The following GRIP1 variants were observed in gnomAD, a reference collection of about 807,000 sequenced individuals.
GRIP1 encodes the protein glutamate receptor interacting protein 1.
Under a neutral mutation model 129.9 loss-of-function variants are expected in GRIP1, and 45 were observed. The observed-to-expected ratio is 0.35, with a 90% confidence interval of 0.27 to 0.44. GRIP1 has a LOEUF of 0.44. GRIP1 is among the 20% of genes least tolerant of loss of function. GRIP1 has a pLI of 1.00. For synonymous variants in GRIP1, 530 were observed against 520.8 expected, an observed-to-expected ratio of 1.02 and a Z score of -0.24; for missense variants, 1,196 against 1,396.8, an observed-to-expected ratio of 0.86 and a Z score of 2.29.
chr12:66,670,989 G>T (rs1478559631), intron 1 of GRIP1, among the ~76,000 whole-genome samples: 3 of 152,064 alleles, frequency 2.0e-5, no homozygotes. Flanking sequence ...AGTACGTTAG[G>T]TCCATGGCTC....
chr12:66,496,454 T>C (rs989206755), intron 7 of GRIP1, among the ~76,000 whole-genome samples: 2 of 152,190 alleles, frequency 1.3e-5, no homozygotes, highest in African/African-American at 4.8e-5. Context: ...ACAAGCGTTA[T>C]CTAAAATAGG....
At chr12:66,783,634 C>CA (rs2038227016) in intron 1 of GRIP1, among the ~76,000 whole-genome samples, 1 of 152,120 alleles carries the variant, frequency 6.6e-6, no homozygotes, top group Non-Finnish European at 1.5e-5. Flanking sequence ...GTTAAAAATT[C>CA]ATGGCCAACA....
intron 1 of GRIP1, among the ~76,000 whole-genome samples, chr12:66,770,716 T>G (rs913525809): frequency 1.3e-5 from 2 of 152,194 alleles, no homozygotes; most frequent in Non-Finnish European, 2.9e-5. Context: ...TTTCTCCCAT[T>G]TTTATTTATA....
chr12:66,696,524 C>T (rs1361771137), intron 1 of GRIP1, among the ~76,000 whole-genome samples: 1 of 151,988 alleles, frequency 6.6e-6, no homozygotes, highest in East Asian at 1.9e-4. Flanking sequence ...TGGTGGCTCT[C>T]GTCTGTAATC....
chr12:66,424,915 C>T (rs1425180162), intron 14 of GRIP1, among the ~76,000 whole-genome samples: 2 of 93,066 alleles, frequency 2.1e-5, no homozygotes, highest in Non-Finnish European at 5.9e-5. Flanking sequence ...GGACTTCCTT[C>T]CCACAAACCC....
chr12:66,477,461 A>G (rs1272806772), intron 7 of GRIP1, among the ~76,000 whole-genome samples: 6 of 151,972 alleles, frequency 3.9e-5, no homozygotes, highest in Non-Finnish European at 8.8e-5. Flanking sequence ...GCCCCAGGTA[A>G]TTTATAGATT....
At chr12:66,623,953 T>C (rs1454064156) in intron 1 of GRIP1, among the ~76,000 whole-genome samples, 1 of 152,218 alleles carries the variant, frequency 6.6e-6, no homozygotes, top group Non-Finnish European at 1.5e-5. Context: ...AATCTTCAGC[T>C]ACACTATTAT....
At chr12:66,645,844 G>C (rs2032319506) in intron 1 of GRIP1, among the ~76,000 whole-genome samples, 1 of 152,200 alleles carries the variant, frequency 6.6e-6, no homozygotes, top group Non-Finnish European at 1.5e-5. Context: ...AGAGGACTCT[G>C]ATCCAGGTTA....
At chr12:66,396,600 C>A (rs1348843588) in intron 16 of GRIP1, among the ~76,000 whole-genome samples, 1 of 152,082 alleles carries the variant, frequency 6.6e-6, no homozygotes, top group Non-Finnish European at 1.5e-5. Flanking sequence ...GCATCTGAGT[C>A]CTCACTGACT....
chr12:66,773,215 CAAAGA>C (rs1463941979), intron 1 of GRIP1, among the ~76,000 whole-genome samples: 2 of 152,148 alleles, frequency 1.3e-5, no homozygotes, highest in Non-Finnish European at 2.9e-5. Context: ...TTGGCAAGAA[CAAAGA>C]AAAGAACCAA....
intron 1 of GRIP1, among the ~76,000 whole-genome samples, chr12:66,966,339 A>G (rs1157626673): frequency 2.0e-5 from 3 of 152,190 alleles, no homozygotes; most frequent in Non-Finnish European, 2.9e-5. Flanking sequence ...AAAAATTACA[A>G]AAATTGCAAA....
intron 1 of GRIP1, among the ~76,000 whole-genome samples, chr12:66,914,531 C>T (rs931927348): frequency 2.0e-5 from 3 of 152,144 alleles, no homozygotes; most frequent in Non-Finnish European, 4.4e-5. Context: ...TTAGCCATTC[C>T]TAGTATGTTA....
At chr12:66,931,132 G>C (rs1348645263) in intron 1 of GRIP1, among the ~76,000 whole-genome samples, 1 of 152,286 alleles carries the variant, frequency 6.6e-6, no homozygotes, top group East Asian at 1.9e-4. Flanking sequence ...TCACAAGAAA[G>C]AAAATAAAAG....
At chr12:66,549,871 G>A (rs1361723466) in intron 2 of GRIP1, among the ~76,000 whole-genome samples, 1 of 147,880 alleles carries the variant, frequency 6.8e-6, no homozygotes. Flanking sequence ...ATTAATATCT[G>A]TATGTTTCCT....
intron 1 of GRIP1, among the ~76,000 whole-genome samples, chr12:66,894,306 G>C (rs2040710486): frequency 6.6e-6 from 1 of 152,052 alleles, no homozygotes; most frequent in Non-Finnish European, 1.5e-5. Flanking sequence ...TTCACTCTCA[G>C]CCTCCATCAA....
rs540743832 is a variant in GRIP1, at chr12:66,759,939, C to T, written c.-420+44114G>A. On this transcript the variant is annotated intron_variant, in intron 1 of 4. Transcript: ENST00000538373. The stretch of plus-strand genomic sequence containing the variant: ...GTGCAATCTCGGCTCACTGCAAGCT[C>T]CGCCTTCCGGGTTCACGCCATTCTC... Among the ~76,000 whole-genome samples the T allele has an allele frequency of 7.9e-5, 12 of 152,076 alleles. No homozygotes were observed. In the South Asian group the frequency reaches 2.5e-3, roughly 32 times the overall value.
intron 1 of GRIP1, among the ~76,000 whole-genome samples, chr12:66,710,936 A>G (rs1340593206): frequency 6.6e-6 from 1 of 151,886 alleles, no homozygotes; most frequent in Admixed American, 6.6e-5. Flanking sequence ...ATAGTAGTAC[A>G]AAGCATAGTG....
chr12:66,938,326 G>A (rs190439584), intron 1 of GRIP1, among the ~76,000 whole-genome samples: 2 of 152,156 alleles, frequency 1.3e-5, no homozygotes, highest in East Asian at 3.9e-4. Context: ...AGTGAGACGA[G>A]ATCATGCCAC....
intron 13 of GRIP1, among the ~76,000 whole-genome samples, chr12:66,444,149 G>A (rs1176278827): frequency 1.3e-5 from 2 of 152,120 alleles, no homozygotes; most frequent in East Asian, 1.9e-4. Flanking sequence ...AATTCAAAAC[G>A]ACACCCCAAA....
Sources: allele counts gnomAD v4.1 joint callset (sites outside exome capture counted in the v4.1 genomes callset), GRCh38; gene constraint gnomAD v4.1.1; transcripts MANE v1.5; gene names NCBI Gene and HGNC (gene_info 2026-07-23, HGNC 2026-07-21).